Variants in RPS6KA2 observed in about 807,000 individuals in gnomAD.
RPS6KA2 encodes the protein ribosomal protein S6 kinase A2.
A neutral mutation model predicts 91.8 loss-of-function variants in RPS6KA2; 42 were observed. The ratio of observed to expected loss-of-function variants is 0.46; its 90% CI spans 0.36 to 0.59. The LOEUF (loss-of-function observed/expected upper bound fraction) is 0.59, where lower values mean the gene tolerates loss of function less well. Among genes scored for constraint, RPS6KA2 ranks in the 20% least tolerant of loss-of-function variants. The pLI is 0.00. For missense variants in RPS6KA2, 798 were observed against 978.5 expected (o/e 0.82, Z 2.46); for synonymous variants, 414 against 393.6 (o/e 1.05, Z -0.61).
intron 2 of RPS6KA2, among the ~76,000 whole-genome samples, chr6:166,766,399 A>T (rs1367486091): frequency 6.6e-6 from 1 of 152,228 alleles, no homozygotes; most frequent in Non-Finnish European, 1.5e-5. Context: ...TTCTTTGGAA[A>T]TTATTTTAAA....
At chr6:166,450,122 C>T (rs1176035971) in intron 13 of RPS6KA2, among the ~76,000 whole-genome samples, 5 of 149,206 alleles carry the variant, frequency 3.4e-5, no homozygotes, top group Non-Finnish European at 7.5e-5. Context: ...TGGAGACCAA[C>T]ACAGGGACCA....
rs1164389789 is a variant in RPS6KA2, at chr6:166,412,884, C to T, written c.2080G>A (p.Ala694Thr). ...AGAGCAAAGTAGGTGGCGGCCATCG[C>T]GCCCTGCAAAACAGAAGACAAGGGT... ...SRQDVHLVKG[A>T]MAATYFALNR... Residue 694 changes from alanine (A) to threonine (T), a missense_variant, in exon 21 of 21, where the codon GCG (alanine) becomes ACG (threonine). By Grantham distance (58) the Ala-to-Thr change is moderately conservative. Transcript: ENST00000265678. The surrounding 1 kb of genome is among the most constrained non-coding windows in gnomAD (Gnocchi z 4.3). 6.4e-7 allele frequency: 1 copy of T among 1,553,102 alleles called. No homozygotes were observed. Among genetic ancestry groups the T allele is most frequent in the Non-Finnish European group, 8.7e-7 (1 of 1,147,886 alleles).
chr6:166,694,802 A>G (rs1789311079), intron 2 of RPS6KA2, among the ~76,000 whole-genome samples: 1 of 152,230 alleles, frequency 6.6e-6, no homozygotes, highest in South Asian at 2.1e-4. Context: ...TTCCACGTTG[A>G]GAGAGAAAGA....
At position 166,468,856 on chromosome 6, in the gene RPS6KA2, T is replaced by TCCATCTC. The variant is rs567161437; in HGVS notation, c.972+984_972+985insGAGATGG. ...TCCAGCCTGGGCGACAGAGCGAGAC[T>TCCATCTC]AAAAAAAAAAAAAAAAAGAAGACAG... is the stretch of plus-strand genomic sequence containing the variant. On this transcript the variant is annotated intron_variant, in intron 11 of 20. Coordinates refer to ENST00000265678, the MANE Select transcript of RPS6KA2 (RefSeq NM_021135.6). 1.4e-3 allele frequency among the ~76,000 whole-genome samples: 157 copies of TCCATCTC among 112,144 alleles called. 1 individual carries two copies. Among genetic ancestry groups the TCCATCTC allele is most frequent in the African/African-American group, 5.8e-3 (150 of 25,928 alleles). The allele number at this position is 112,144 out of a possible 152,430, so 73.6% of individuals were successfully genotyped here. A position where few individuals can be genotyped will look rare whatever the true frequency, so the allele number is the denominator to read the frequency against.
chr6:166,458,999 T>C (rs1418429465), intron 12 of RPS6KA2, among the ~76,000 whole-genome samples: 2 of 152,264 alleles, frequency 1.3e-5, no homozygotes, highest in Non-Finnish European at 2.9e-5. Context: ...ATTGCTGTGC[T>C]ATTTAGTAGC....
At chr6:166,605,892 C>T (rs1457152679) in intron 1 of RPS6KA2, among the ~76,000 whole-genome samples, 1 of 152,214 alleles carries the variant, frequency 6.6e-6, no homozygotes, top group Non-Finnish European at 1.5e-5. Context: ...AGAGGCGCAG[C>T]AACCAAAATA....
chr6:166,585,498 C>CT (rs58153048), intron 1 of RPS6KA2, among the ~76,000 whole-genome samples: 22,961 of 86,322 alleles, frequency 0.27, 4,026 homozygotes, highest in East Asian at 0.57. Context: ...TCAAACAAGT[C>CT]TTTTTTTTTT....
intron 2 of RPS6KA2, chr6:166,701,951 C>A (rs760768828): frequency 1.8e-6 from 2 of 1,093,330 alleles, no homozygotes; most frequent in Non-Finnish European, 2.8e-6. Context: ...TCCTTCTTTA[C>A]CAATAAGACG....
At chr6:166,674,473 C>T (rs991769477) in intron 2 of RPS6KA2, among the ~76,000 whole-genome samples, 21 of 151,914 alleles carry the variant, frequency 1.4e-4, no homozygotes, top group Non-Finnish European at 1.5e-4. Flanking sequence ...CAGCAGGACA[C>T]GCAACCCAGC....
chr6:166,704,341 C>T (rs1789616159), intron 2 of RPS6KA2, among the ~76,000 whole-genome samples: 1 of 152,220 alleles, frequency 6.6e-6, no homozygotes, highest in Non-Finnish European at 1.5e-5. Context: ...GGAACACTGA[C>T]GAGGCATGCG....
upstream of RPS6KA2, among the ~76,000 whole-genome samples, chr6:166,631,048 T>A (rs903059869): frequency 1.3e-5 from 2 of 152,158 alleles, no homozygotes; most frequent in African/African-American, 4.8e-5. Context: ...CCCCTGGCCC[T>A]CACCCACAGG....
Position 166,459,510 on chromosome 6 carries a change from T to C in RPS6KA2, c.1014A>G (p.Ala338=). 5.0e-6 allele frequency: 8 copies of C among 1,614,156 alleles called. No individual in the cohort carries two copies. Among genetic ancestry groups the C allele is most frequent in the Non-Finnish European group, 6.8e-6 (8 of 1,180,002 alleles). ...RKEIKPPFKP[A]VGRPEDTFHF... ...GGAAGGTGTCCTCAGGCCTGCCCAC[T>C]GCTGGTTTGAACGGTGGCTTGATCT... The change falls in exon 12 of 21, where the codon GCA becomes GCG. Residue 338 remains alanine (A), a synonymous_variant. Coordinates refer to ENST00000265678, the MANE Select transcript of RPS6KA2 (RefSeq NM_021135.6). The surrounding 1 kb of genome is among the most constrained non-coding windows in gnomAD (Gnocchi z 4.9).
intron 1 of RPS6KA2, among the ~76,000 whole-genome samples, chr6:166,604,721 A>C (rs757893358): frequency 9.2e-5 from 14 of 152,202 alleles, no homozygotes; most frequent in South Asian, 2.1e-4. Context: ...TCAAACACTC[A>C]TATTTCCACA....
At chr6:166,680,351 C>G (rs1562378980) in intron 2 of RPS6KA2, among the ~76,000 whole-genome samples, 1 of 152,160 alleles carries the variant, frequency 6.6e-6, no homozygotes, top group African/African-American at 2.4e-5. Flanking sequence ...GACCAATCAG[C>G]TCTCTGTAAA....
intron 1 of RPS6KA2, among the ~76,000 whole-genome samples, chr6:166,565,781 C>G (rs775400878): frequency 6.6e-6 from 1 of 152,154 alleles, no homozygotes; most frequent in African/African-American, 2.4e-5. Context: ...ACAGGACGGC[C>G]GATGGCCTGG....
At chr6:166,539,488 G>A (rs577545261) in intron 1 of RPS6KA2, among the ~76,000 whole-genome samples, 6 of 152,282 alleles carry the variant, frequency 3.9e-5, no homozygotes, top group African/African-American at 4.8e-5. Context: ...AAATGCAGAC[G>A]GCTTGTCCTC....
At chr6:166,827,211 T>C (rs920129156) in intron 2 of RPS6KA2, among the ~76,000 whole-genome samples, 2 of 129,738 alleles carry the variant, frequency 1.5e-5, no homozygotes, top group Non-Finnish European at 3.2e-5. Context: ...TGAAAAAGAC[T>C]TTACAAAAAC....
chr6:166,506,267 C>T (rs1894660), intron 5 of RPS6KA2, among the ~76,000 whole-genome samples: 36,683 of 152,078 alleles, frequency 0.24, 4,940 homozygotes, highest in East Asian at 0.39. Context: ...CCTCCTACTC[C>T]GAAATGAAGG....
At chr6:166,466,723 TTCATTCACTGACTTACTGAC>T (rs1443793853) in intron 11 of RPS6KA2, among the ~76,000 whole-genome samples, 2 of 152,230 alleles carry the variant, frequency 1.3e-5, no homozygotes, top group Non-Finnish European at 2.9e-5. Context: ...CATTCACTGA[TTCATTCACTGACTTACTGAC>T]TCATTCACTC....
Sources: gnomAD v4.1 joint callset for allele counts (sites outside exome capture counted in the v4.1 genomes callset) on GRCh38, gnomAD v4.1.1 for gene constraint, Gnocchi (gnomAD v3.1) non-coding constraint, MANE v1.5 for transcripts, NCBI Gene and HGNC (gene_info 2026-07-23, HGNC 2026-07-21) for gene names.